Variants in PDPK1 observed in about 807,000 individuals in gnomAD.
PDPK1 encodes the protein 3-phosphoinositide dependent protein kinase 1.
In PDPK1, 7 loss-of-function variants were observed where a neutral mutation model predicts 39.8. That is an observed-to-expected ratio of 0.18 (90% CI 0.10 to 0.33). The LOEUF is 0.33. Among genes scored for constraint, PDPK1 ranks in the 10% least tolerant of loss-of-function variants. The pLI, the probability that PDPK1 is intolerant of heterozygous loss-of-function variation, is 1.00. For synonymous variants in PDPK1, 118 were observed against 159.1 expected (o/e 0.74, Z 1.95); for missense variants, 182 against 384.7 (o/e 0.47, Z 4.41).
chr16:2,584,931 G>T (rs1324375696), intron 10 of PDPK1, among the ~76,000 whole-genome samples: 5 of 152,350 alleles, frequency 3.3e-5, no homozygotes, highest in Non-Finnish European at 7.3e-5. Flanking sequence ...GTGGTGTTTG[G>T]TTACGGCTGG....
rs572481182 is a variant in PDPK1, at chr16:2,540,658, A to G, written c.24+2522A>G. The stretch of plus-strand genomic sequence containing the variant: ...GTCTTCATATGGAAGAACTGTACAT[A>G]TTTCTTTGGCAGATGGCTGAACTCT... On this transcript the variant is annotated intron_variant, in intron 1 of 13. Transcript: ENST00000342085. Among the ~76,000 whole-genome samples the G allele has an allele frequency of 7.9e-5, 12 of 152,080 alleles. No individual in the cohort carries two copies. The South Asian group carries it at 2.3e-3, about 29-fold the overall frequency.
chr16:2,546,465 C>T (rs1253445658), intron 1 of PDPK1, among the ~76,000 whole-genome samples: 3 of 152,176 alleles, frequency 2.0e-5, no homozygotes, highest in Non-Finnish European at 4.4e-5. Flanking sequence ...TCATGAGTAG[C>T]TGGGATTACA....
At chr16:2,580,093 G>C (rs2041208) in intron 7 of PDPK1, 9 of 149,142 alleles carry the variant, frequency 6.0e-5, no homozygotes, top group Non-Finnish European at 4.4e-5. Context: ...AGCTGTTTGC[G>C]TGGCTTTTAT....
At chr16:2,544,479 A>G (rs1260260308) in intron 1 of PDPK1, among the ~76,000 whole-genome samples, 2 of 152,244 alleles carry the variant, frequency 1.3e-5, no homozygotes, top group Non-Finnish European at 2.9e-5. Flanking sequence ...AAAACCGAAG[A>G]ATAGTTGAAA....
chr16:2,538,916 A>C, intron 1 of PDPK1: 4 of 486,954 alleles, frequency 8.2e-6, no homozygotes, highest in South Asian at 4.0e-5. Flanking sequence ...GCTAAGTTCT[A>C]CAGTCTGGGG....
chr16:2,539,638 G>A (rs1221802520), intron 1 of PDPK1: 17 of 152,244 alleles, frequency 1.1e-4, no homozygotes. Context: ...ATTTCGACAT[G>A]TGTGGCTGTA....
At chr16:2,540,778 A>G (rs2141932753) in intron 1 of PDPK1, among the ~76,000 whole-genome samples, 1 of 152,326 alleles carries the variant, frequency 6.6e-6, no homozygotes, top group Non-Finnish European at 1.5e-5. Context: ...GATACTCTGA[A>G]TGGGTGAGGC....
chr16:2,586,938 C>T (rs370825763), intron 11 of PDPK1, 45 bp downstream of exon 11: 442 of 1,519,126 alleles, frequency 2.9e-4, no homozygotes, highest in Non-Finnish European at 3.7e-4. Flanking sequence ...AGAATTGCAG[C>T]GTGAACACGT....
At position 2,601,830 on chromosome 16, in the gene PDPK1, G is replaced by A. The variant is rs1273371081; in HGVS notation, c.*4063G>A. ...CGCCCCCCCCAACTCCCTGCCCACA[G>A]TGTTGCAGATTGCCTGGCTGGCAGC... On this transcript the variant is annotated 3_prime_UTR_variant, in exon 14 of 14. Transcript: ENST00000342085. 1 of 230,394 alleles carries A rather than the reference G, an allele frequency of 4.3e-6. No homozygotes were observed. The highest frequency in any genetic ancestry group is 5.7e-5 in the Admixed American group (1 of 17,552). 14.3% of individuals were successfully genotyped at this position (230,394 alleles called of 1,614,324 possible).
chr16:2,586,781 A>C lies in PDPK1; in HGVS notation c.1231A>C (p.Asn411His), dbSNP rs755138312. ...DTGLPQRSGS[N>H]IEQYIHDLDS... Reference sequence around the variant, plus strand: ...GGGCCTGCCCCAGAGGTCAGGCAGCAACATAGAGCAGTACATTCACGATCT... The same window carrying C: ...GGGCCTGCCCCAGAGGTCAGGCAGCCACATAGAGCAGTACATTCACGATCT... Residue 411 changes from asparagine (N) to histidine (H), a missense_variant, in exon 11 of 14, where the codon AAC becomes CAC. Asn to His is a moderately conservative substitution (Grantham distance 68, BLOSUM62 1). This residue lies in a region of PDPK1 where 90 missense variants were observed against 111.9 expected (regional missense o/e 0.80). Coordinates refer to ENST00000342085, the MANE Select transcript of PDPK1 (RefSeq NM_002613.5). 4.3e-6 allele frequency: 7 copies of C among 1,614,260 alleles called. No individual in the cohort carries two copies. In the East Asian group the frequency reaches 1.6e-4, roughly 36 times the overall value.
At chr16:2,595,141 G>C (rs2067075271) in intron 11 of PDPK1, among the ~76,000 whole-genome samples, 1 of 152,066 alleles carries the variant, frequency 6.6e-6, no homozygotes, top group Admixed American at 6.6e-5. Flanking sequence ...AAAATCTCTT[G>C]AACTTTTAGG....
At chr16:2,544,091 A>G (rs1403670035) in intron 1 of PDPK1, among the ~76,000 whole-genome samples, 2 of 152,140 alleles carry the variant, frequency 1.3e-5, no homozygotes, top group African/African-American at 2.4e-5. Context: ...GTGCATGTTC[A>G]GTACAGATGC....
At position 2,598,278 on chromosome 16, in the gene PDPK1, CG is replaced by C. The variant is rs1256508317; in HGVS notation, c.*512del. The C allele has an allele frequency of 4.4e-6, 1 of 229,556 alleles. No homozygotes were observed. The highest frequency in any genetic ancestry group is 5.7e-5 in the Admixed American group (1 of 17,522). 14.2% of individuals were successfully genotyped at this position (229,556 alleles called of 1,614,324 possible). On this transcript the variant is annotated 3_prime_UTR_variant, in exon 14 of 14. Transcript: ENST00000342085. The stretch of plus-strand genomic sequence containing the variant: ...GCCGCAGCTTTGTGGAGGGAGCCGC[CG>C]TGCTTCTGTCACCTGCTCCCTTTCT...
chr16:2,586,905 T>C lies in PDPK1; in HGVS notation c.1343+12T>C, dbSNP rs768168208. 49 of 1,611,154 alleles carry C rather than the reference T, an allele frequency of 3.0e-5. No homozygotes were observed. Among genetic ancestry groups the C allele is most frequent in the South Asian group, 2.6e-4 (24 of 90,956 alleles). On this transcript the variant is annotated intron_variant, in intron 11 of 13. Transcript: ENST00000342085. ...GGCGGAAACCCTTGGTAAGAACTTA[T>C]GGACATAAGCAATGCTTTTTGCAGA...
chr16:2,588,067 CAT>C (rs1054094354), intron 11 of PDPK1, among the ~76,000 whole-genome samples: 1 of 152,088 alleles, frequency 6.6e-6, no homozygotes, highest in African/African-American at 2.4e-5. Context: ...GGACAGGACA[CAT>C]GTGACTTGAG....
At chr16:2,544,290 T>A (rs185384766) in intron 1 of PDPK1, among the ~76,000 whole-genome samples, 3 of 152,092 alleles carry the variant, frequency 2.0e-5, no homozygotes, top group Admixed American at 2.0e-4. Flanking sequence ...AGGGAAAAGC[T>A]TGGAGGGAGG....
Position 2,597,160 on chromosome 16 carries a change from A to G in PDPK1, c.1439A>G (p.Glu480Gly). The G allele has an allele frequency of 6.4e-7, 1 of 1,572,618 alleles. No homozygotes were observed. The highest frequency in any genetic ancestry group is 8.7e-7 in the Non-Finnish European group (1 of 1,150,786). The change falls in exon 13 of 14, where the codon GAA (glutamate) becomes GGA (glycine). Residue 480 changes from glutamate (E) to glycine (G), a missense_variant. Physicochemically the swap from Glu to Gly is moderately conservative, Grantham distance 98. Coordinates refer to ENST00000342085, the MANE Select transcript of PDPK1 (RefSeq NM_002613.5). This position sits in a 1 kb window ranked among gnomAD's most constrained non-coding sequence, Gnocchi z 6.3. ...FARRRQLLLT[E>G]GPHLYYVDPV... ...AGACGACGACAGCTGTTGCTCACAG[A>G]AGGACCACATTTATATTATGTGGAT...
In PDPK1 at chr16:2,598,093, G is replaced by C. The variant is rs949548322; in HGVS notation, c.*326G>C. ...CCGCCCAGACTAGTGGACAGACCTG[G>C]TGTCACCAGTTTTTCCTAGCATCAG... On this transcript the variant is annotated 3_prime_UTR_variant, in exon 14 of 14. Coordinates refer to ENST00000342085, the MANE Select transcript of PDPK1 (RefSeq NM_002613.5). 1.9e-5 allele frequency: 7 copies of C among 375,628 alleles called. No homozygotes were observed. The highest frequency in any genetic ancestry group is 3.4e-5 in the Non-Finnish European group (7 of 205,606). The allele number at this position is 375,628 out of a possible 1,614,324, so 23.3% of individuals were successfully genotyped here.
At position 2,601,475 on chromosome 16, in the gene PDPK1, T is replaced by C. The variant is rs1417284031; in HGVS notation, c.*3708T>C. On this transcript the variant is annotated 3_prime_UTR_variant, in exon 14 of 14. Transcript: ENST00000342085. The stretch of plus-strand genomic sequence containing the variant: ...GGCTTTCAAGCGCTTGGCAGAATCT[T>C]GTACTTCGTGTCCACAATGGTACTG... 1 of 234,610 alleles carries C rather than the reference T, an allele frequency of 4.3e-6. No homozygotes were observed. Among genetic ancestry groups the C allele is most frequent in the Non-Finnish European group, 8.5e-6 (1 of 117,884 alleles). 14.5% of individuals were successfully genotyped at this position (234,610 alleles called of 1,614,324 possible).
Sources: gnomAD v4.1 joint callset for allele counts (sites outside exome capture counted in the v4.1 genomes callset) on GRCh38, gnomAD v4.1.1 for gene constraint, gnomAD v4.1.1 regional missense constraint, Gnocchi (gnomAD v3.1) non-coding constraint, MANE v1.5 for transcripts, NCBI Gene and HGNC (gene_info 2026-07-23, HGNC 2026-07-21) for gene names.